STPG2: variants seen among roughly 807,000 people sequenced by gnomAD.
STPG2 encodes sperm-tail PG-rich repeat-containing protein 2.
A neutral mutation model predicts 54.2 loss-of-function variants in STPG2; 56 were observed. The observed-to-expected ratio is 1.03, with a 90% CI of 0.83 to 1.29. The LOEUF (loss-of-function observed/expected upper bound fraction) is 1.29. Among genes scored for constraint, STPG2 ranks in the 50% most tolerant of loss-of-function variants. The pLI, the probability that STPG2 is intolerant of heterozygous loss-of-function variation, is 0.00. For synonymous variants in STPG2, 200 were observed against 181.8 expected (o/e 1.10, Z -0.81); for missense variants, 596 against 544.9 (o/e 1.09, Z -0.93).
intron 8 of STPG2, among the ~76,000 whole-genome samples, chr4:97,885,012 C>G (rs1179287123): frequency 6.6e-6 from 1 of 152,036 alleles, no homozygotes; most frequent in Non-Finnish European, 1.5e-5. Context: ...CTAGGAAAGA[C>G]ATAATTATAA....
chr4:97,478,758 G>A (rs561291100), intron 4 of STPG2, among the ~76,000 whole-genome samples: 2 of 151,988 alleles, frequency 1.3e-5, no homozygotes, highest in African/African-American at 4.8e-5. Context: ...TAAAAAAAAT[G>A]AGGAAGGGCT....
chr4:97,771,638 C>T (rs988650284), intron 9 of STPG2, among the ~76,000 whole-genome samples: 1 of 152,138 alleles, frequency 6.6e-6, no homozygotes, highest in Non-Finnish European at 1.5e-5. Context: ...CCACATTGCC[C>T]ATGAGGTGAG....
intron 8 of STPG2, among the ~76,000 whole-genome samples, chr4:97,891,651 T>C (rs1400811274): frequency 6.6e-6 from 1 of 152,088 alleles, no homozygotes; most frequent in Non-Finnish European, 1.5e-5. Context: ...CTTGCTCTTA[T>C]TCATTTTCCT....
intron 8 of STPG2, among the ~76,000 whole-genome samples, chr4:97,889,148 C>T (rs1730679636): frequency 6.6e-6 from 1 of 152,144 alleles, no homozygotes. Flanking sequence ...CTAATACACA[C>T]CTATTATCAA....
At chr4:98,072,303 C>G (rs940980931) in intron 5 of STPG2, among the ~76,000 whole-genome samples, 1 of 152,222 alleles carries the variant, frequency 6.6e-6, no homozygotes, top group East Asian at 1.9e-4. Flanking sequence ...CAAACTAACA[C>G]AAGAACAGAA....
At chr4:98,029,293 C>G (rs1736523021) in intron 5 of STPG2, among the ~76,000 whole-genome samples, 1 of 152,080 alleles carries the variant, frequency 6.6e-6, no homozygotes, top group Non-Finnish European at 1.5e-5. Context: ...AATAGCTACC[C>G]ATAATTGTTA....
chr4:97,711,744 A>G (rs984373648), intron 10 of STPG2, among the ~76,000 whole-genome samples: 17 of 145,066 alleles, frequency 1.2e-4, no homozygotes, highest in Non-Finnish European at 1.5e-4. Context: ...ATTTTGGCCC[A>G]CTGCAAACTC....
chr4:97,962,129 T>C (rs1733911087), intron 7 of STPG2, among the ~76,000 whole-genome samples: 1 of 152,180 alleles, frequency 6.6e-6, no homozygotes, highest in African/African-American at 2.4e-5. Flanking sequence ...ACATCTTATG[T>C]TCTCATTCAT....
At chr4:97,572,906 CA>C (rs1464543638) in intron 10 of STPG2, among the ~76,000 whole-genome samples, 1 of 152,038 alleles carries the variant, frequency 6.6e-6, no homozygotes, top group Non-Finnish European at 1.5e-5. Context: ...TATTCAAATT[CA>C]TATGTAAATG....
intron 9 of STPG2, among the ~76,000 whole-genome samples, chr4:97,806,438 C>T (rs1418518311): frequency 7.5e-4 from 114 of 152,066 alleles, no homozygotes; most frequent in Non-Finnish European, 4.4e-5. Context: ...GTGACAGGAT[C>T]ATTCATACCC....
Position 97,587,144 on chromosome 4 carries a change from A to G in STPG2, c.1321-28027T>C, listed in dbSNP as rs142151047. ...GTATTTTTCAGAATGATTAACACAT[A>G]TTAGTGTTTAATAAATATTTAGTAA... On this transcript the variant is annotated intron_variant, in intron 10 of 10. Coordinates refer to ENST00000295268, the MANE Select transcript of STPG2 (RefSeq NM_174952.3). Among the ~76,000 whole-genome samples, 626 of 152,126 alleles carry G rather than the reference A, an allele frequency of 4.1e-3. 3 individuals are homozygous for G. The highest frequency in any genetic ancestry group is 0.02 in the South Asian group (98 of 4,832).
intron 1 of STPG2, among the ~76,000 whole-genome samples, chr4:98,137,798 A>T (rs1442970298): frequency 6.6e-6 from 1 of 151,902 alleles, no homozygotes; most frequent in Non-Finnish European, 1.5e-5. Context: ...TAGAGTATAC[A>T]TATATATGAA....
At chr4:97,456,890 T>TAAAAAAAAAAAAA (rs1288074783) in intron 4 of STPG2, among the ~76,000 whole-genome samples, 1 of 70,230 alleles carries the variant, frequency 1.4e-5, no homozygotes, top group African/African-American at 3.0e-4. Context: ...GTGCTCCGTC[T>TAAAAAAAAAAAAA]CAAAAAAAAA....
intron 9 of STPG2, among the ~76,000 whole-genome samples, chr4:97,738,986 A>G (rs1725122451): frequency 1.3e-5 from 2 of 152,142 alleles, no homozygotes; most frequent in Non-Finnish European, 2.9e-5. Flanking sequence ...CAGCAAATGT[A>G]AAAGAACAGA....
intron 5 of STPG2, among the ~76,000 whole-genome samples, chr4:98,011,429 A>G (rs139285909): frequency 6.6e-6 from 1 of 152,230 alleles, no homozygotes; most frequent in African/African-American, 2.4e-5. Flanking sequence ...ATATGTGTGC[A>G]TATGTCTTTA....
At chr4:97,477,044 A>G (rs920352373) in intron 4 of STPG2, among the ~76,000 whole-genome samples, 1 of 152,226 alleles carries the variant, frequency 6.6e-6, no homozygotes, top group East Asian at 1.9e-4. Context: ...AGACCAACCT[A>G]TAACAATTTA....
chr4:97,696,815 C>A (rs1166436309), intron 10 of STPG2, among the ~76,000 whole-genome samples: 1 of 152,170 alleles, frequency 6.6e-6, no homozygotes, highest in African/African-American at 2.4e-5. Context: ...AAATCCAAAT[C>A]AAACCCACAA....
intron 9 of STPG2, among the ~76,000 whole-genome samples, chr4:97,816,764 TTTC>T (rs1272067149): frequency 3.3e-5 from 5 of 151,370 alleles, no homozygotes; most frequent in East Asian, 1.9e-4. Context: ...TTCTTTTTCT[TTTC>T]TTTTCTTTTT....
Position 97,840,922 on chromosome 4 carries a change from G to A in STPG2, c.1055C>T (p.Ala352Val), listed in dbSNP as rs748440941. 3.7e-5 allele frequency: 60 copies of A among 1,610,278 alleles called. No individual in the cohort carries two copies. The highest frequency in any genetic ancestry group is 2.2e-4 in the East Asian group (10 of 44,746). The change falls in exon 9 of 11, where the codon GCG (alanine) becomes GTG (valine). Residue 352 changes from alanine to valine, a missense_variant. Ala to Val is a moderately conservative substitution (Grantham distance 64). Transcript: ENST00000295268. ...TMKVPDMVIPAPGSYDVHKSY... is the reference protein window; with the variant it reads ...TMKVPDMVIPVPGSYDVHKSY... ...TTTGTGAACATCATAGCTGCCTGGC[G>A]CTGGAATAACCTGAAAAAAAATTTA...
Sources: allele counts gnomAD v4.1 joint callset (sites outside exome capture counted in the v4.1 genomes callset), GRCh38; gene constraint gnomAD v4.1.1; transcripts MANE v1.5; gene names NCBI Gene and HGNC (gene_info 2026-07-23, HGNC 2026-07-21).